TXLNB: variants seen among roughly 807,000 people sequenced by gnomAD.
TXLNB encodes the protein taxilin beta.
In TXLNB, 37 loss-of-function variants were observed where a neutral mutation model predicts 57.4. That is an observed-to-expected ratio of 0.64 (90% CI 0.50 to 0.85). The LOEUF (loss-of-function observed/expected upper bound fraction) is 0.85, where lower values mean the gene tolerates loss of function less well. TXLNB is among the 40% of genes least tolerant of loss of function. The probability of loss-of-function intolerance (pLI) is 0.00; values close to 1 mark genes in which losing one functional copy is unlikely to be tolerated. For synonymous variants in TXLNB, 302 were observed against 309.6 expected (o/e 0.98, Z 0.26); for missense variants, 848 against 825.6 (o/e 1.03, Z -0.33).
intron 2 of TXLNB, among the ~76,000 whole-genome samples, chr6:139,279,745 G>A (rs1312069114): frequency 6.6e-6 from 1 of 151,602 alleles, no homozygotes; most frequent in African/African-American, 2.4e-5. Context: ...CGCTTTATCA[G>A]GAAGGAATCA....
At chr6:139,186,080 A>G in the TXLNB span, among the ~76,000 whole-genome samples, 1 of 152,352 alleles carries the variant, frequency 6.6e-6, no homozygotes, top group African/African-American at 2.4e-5. Context: ...TACAAAGAGA[A>G]TTCATTGAAT....
the TXLNB span, among the ~76,000 whole-genome samples, chr6:139,214,048 G>T: frequency 7.9e-5 from 12 of 152,152 alleles, no homozygotes; most frequent in South Asian, 8.3e-4. Flanking sequence ...CTACCAGAGG[G>T]ACAAGGAGGA....
chr6:139,261,927 G>T (rs866452049), intron 5 of TXLNB, among the ~76,000 whole-genome samples: 21 of 126,500 alleles, frequency 1.7e-4, no homozygotes, highest in Non-Finnish European at 3.3e-4. Flanking sequence ...TTTTTGAGAC[G>T]GAGTCTCACA....
At chr6:139,260,953 G>A (rs1208137711) in intron 5 of TXLNB, among the ~76,000 whole-genome samples, 2 of 152,198 alleles carry the variant, frequency 1.3e-5, no homozygotes, top group African/African-American at 4.8e-5. Flanking sequence ...CGAGGTCTGG[G>A]AGTGAGGCCT....
chr6:139,212,851 C>A, the TXLNB span, among the ~76,000 whole-genome samples: 2 of 151,988 alleles, frequency 1.3e-5, 1 homozygote, highest in Admixed American at 1.3e-4. Context: ...AAAACAGACT[C>A]TAAACCAACA....
intron 6 of TXLNB, among the ~76,000 whole-genome samples, chr6:139,257,411 C>A (rs1265704047): frequency 6.6e-6 from 1 of 152,132 alleles, no homozygotes. Flanking sequence ...ACTTATATTT[C>A]ATCAGTTTAT....
the TXLNB span, among the ~76,000 whole-genome samples, chr6:139,167,579 A>G: frequency 6.6e-6 from 1 of 152,130 alleles, no homozygotes; most frequent in Non-Finnish European, 1.5e-5. Flanking sequence ...TTGCCGGTGT[A>G]TGGTTTTGCA....
intron 3 of TXLNB, among the ~76,000 whole-genome samples, chr6:139,271,142 G>C (rs1428337162): frequency 2.0e-5 from 3 of 151,942 alleles, no homozygotes; most frequent in Admixed American, 2.0e-4. Flanking sequence ...TTATAATGTT[G>C]GGCTCTGAGT....
intron 4 of TXLNB, chr6:139,269,165 A>T (rs937121723): frequency 6.6e-6 from 1 of 152,238 alleles, no homozygotes; most frequent in Non-Finnish European, 1.5e-5. Context: ...TTGGGCTTCC[A>T]AAATGCTAGG....
the TXLNB span, among the ~76,000 whole-genome samples, chr6:139,314,085 A>G: frequency 6.6e-6 from 1 of 152,214 alleles, no homozygotes; most frequent in East Asian, 1.9e-4. Context: ...AAAGAAATCA[A>G]AGCATTTTAC....
chr6:139,318,138 C>T, the TXLNB span, among the ~76,000 whole-genome samples: 15 of 151,282 alleles, frequency 9.9e-5, no homozygotes, highest in African/African-American at 2.7e-4. Context: ...GGGGTGGTGG[C>T]GGGTGCCTGT....
Position 139,241,602 on chromosome 6 carries a change from G to A in TXLNB, c.*924C>T, listed in dbSNP as rs911069714. 6.6e-6 allele frequency: 1 copy of A among 152,208 alleles called. No individual in the cohort carries two copies. The highest frequency in any genetic ancestry group is 1.5e-5 in the Non-Finnish European group (1 of 68,068). 9.4% of individuals were successfully genotyped at this position (152,208 alleles called of 1,614,324 possible). ...AATGGGATGCCCTGGCACATGAGGG[G>A]GTGGCAAAGCAATGGGCTGAGAAGT... On this transcript the variant is annotated 3_prime_UTR_variant, in exon 10 of 10. Transcript: ENST00000358430.
chr6:139,280,111 G>C (rs1777005584), intron 2 of TXLNB, among the ~76,000 whole-genome samples: 1 of 152,014 alleles, frequency 6.6e-6, no homozygotes, highest in African/African-American at 2.4e-5. Context: ...AAATTAGCTG[G>C]TGTCGTGGCA....
At chr6:139,238,477 AT>A (rs1775861404), downstream of TXLNB, among the ~76,000 whole-genome samples, 1 of 152,186 alleles carries the variant, frequency 6.6e-6, no homozygotes, top group African/African-American at 2.4e-5. Flanking sequence ...ATACCTCCGT[AT>A]TTATGTATAT....
chr6:139,295,437 A>G (rs1385251680), upstream of TXLNB, among the ~76,000 whole-genome samples: 1 of 152,214 alleles, frequency 6.6e-6, no homozygotes, highest in Non-Finnish European at 1.5e-5. Flanking sequence ...TGTTTACGCA[A>G]ATATCACAGG....
chr6:139,180,542 G>A, the TXLNB span: 9 of 152,696 alleles, frequency 5.9e-5, no homozygotes, highest in Admixed American at 5.2e-4. Flanking sequence ...TCATCTCTAT[G>A]TCCTGTTCAC....
At chr6:139,193,042 C>G in the TXLNB span, among the ~76,000 whole-genome samples, 1 of 151,556 alleles carries the variant, frequency 6.6e-6, no homozygotes, top group Non-Finnish European at 1.5e-5. Flanking sequence ...TGTGTTAAAA[C>G]CTGTGGTCAT....
At position 139,242,151 on chromosome 6, in the gene TXLNB, A is replaced by T. The variant is rs1775949857; in HGVS notation, c.*375T>A. On this transcript the variant is annotated 3_prime_UTR_variant, in exon 10 of 10. Coordinates refer to ENST00000358430, the MANE Select transcript of TXLNB (RefSeq NM_153235.4). ...TGGAACTTGTTAAACTATATATCCA[A>T]ATAAGCAGAACATCACATTTTCAGT... 6.2e-6 allele frequency: 1 copy of T among 161,660 alleles called. No individual in the cohort carries two copies. The highest frequency in any genetic ancestry group is 2.4e-5 in the African/African-American group (1 of 41,870). 10.0% of individuals were successfully genotyped at this position (161,660 alleles called of 1,614,324 possible). A position where few individuals can be genotyped will look rare whatever the true frequency, so the allele number is the denominator to read the frequency against.
At chr6:139,301,538 G>C in the TXLNB span, among the ~76,000 whole-genome samples, 356 of 152,200 alleles carry the variant, frequency 2.3e-3, no homozygotes, top group South Asian at 6.0e-3. Flanking sequence ...TCTATAGATG[G>C]TCTGGAAAAA....
Sources: allele counts gnomAD v4.1 joint callset (sites outside exome capture counted in the v4.1 genomes callset), GRCh38; gene constraint gnomAD v4.1.1; transcripts MANE v1.5; gene names NCBI Gene and HGNC (gene_info 2026-07-23, HGNC 2026-07-21).